TENM4: variants seen among roughly 807,000 people sequenced by gnomAD.
TENM4 encodes the protein teneurin transmembrane protein 4.
A neutral mutation model predicts 243.3 loss-of-function variants in TENM4; 82 were observed. The ratio of observed to expected loss-of-function variants is 0.34; its 90% CI spans 0.28 to 0.40. The LOEUF is 0.40. Ranked by LOEUF, TENM4 falls within the 10% of genes least tolerant of loss-of-function variation. The pLI, the probability that TENM4 is intolerant of heterozygous loss-of-function variation, is 1.00. For missense variants in TENM4, 3,138 were observed against 3,673.3 expected (o/e 0.85, Z 3.77); for synonymous variants, 1,412 against 1,456.3 (o/e 0.97, Z 0.69).
At chr11:79,428,868 T>C (rs1859109447) in intron 1 of TENM4, among the ~76,000 whole-genome samples, 3 of 152,176 alleles carry the variant, frequency 2.0e-5, no homozygotes, top group Admixed American at 6.5e-5. Flanking sequence ...GAGACTAACA[T>C]TCAGTAAGGC....
intron 1 of TENM4, among the ~76,000 whole-genome samples, chr11:79,364,303 C>T (rs1253199692): frequency 6.6e-6 from 1 of 152,154 alleles, no homozygotes. Context: ...ATCTCAGCAC[C>T]CCCCGGCCCA....
chr11:78,931,702 A>C (rs1206381134), intron 6 of TENM4, among the ~76,000 whole-genome samples: 1 of 152,204 alleles, frequency 6.6e-6, no homozygotes, highest in Non-Finnish European at 1.5e-5. Context: ...GAGTCACAGT[A>C]TGGAATGGTA....
chr11:78,840,022 T>A (rs1858217332), intron 12 of TENM4, among the ~76,000 whole-genome samples: 2 of 152,224 alleles, frequency 1.3e-5, no homozygotes. Flanking sequence ...AAGTTGGTTA[T>A]GAGAATTAAA....
At chr11:78,756,368 T>A (rs1856305876) in intron 19 of TENM4, 1 of 188,760 alleles carries the variant, frequency 5.3e-6, no homozygotes, top group Admixed American at 5.4e-5. Context: ...AACAGGGAGA[T>A]TGTATGGGTA....
At chr11:78,854,980 A>C (rs867182064) in intron 11 of TENM4, among the ~76,000 whole-genome samples, 1 of 152,214 alleles carries the variant, frequency 6.6e-6, no homozygotes, top group Non-Finnish European at 1.5e-5. Flanking sequence ...CAGAAAAGTC[A>C]GTTACACTGT....
rs372263805 is a variant in TENM4 at position 78,826,369 on chromosome 11, G to A, written c.1682-11974C>T. ...CCCAAAGTGTTGGGATTACAGGTGT[G>A]AGCCACCATGCTCGGCCGGTCTCCT... On this transcript the variant is annotated intron_variant, in intron 12 of 33. Transcript: ENST00000278550. 3.3e-5 allele frequency among the ~76,000 whole-genome samples: 5 copies of A among 152,232 alleles called. No individual in the cohort carries two copies. The East Asian group carries it at 7.8e-4, about 24-fold the overall frequency.
chr11:79,196,929 C>T (rs1484073283), intron 3 of TENM4, among the ~76,000 whole-genome samples: 1 of 152,198 alleles, frequency 6.6e-6, no homozygotes, highest in East Asian at 1.9e-4. Context: ...CAAGCTGCCT[C>T]CCTCAGCAAG....
chr11:79,296,548 G>T (rs1856457497), intron 2 of TENM4, among the ~76,000 whole-genome samples: 1 of 152,226 alleles, frequency 6.6e-6, no homozygotes, highest in South Asian at 2.1e-4. Flanking sequence ...CCCACCACCA[G>T]AGTGCTGCTA....
rs528515953 is a variant in TENM4 at position 78,889,402 on chromosome 11, C to T, written c.1084+383G>A. Among the ~76,000 whole-genome samples the T allele has an allele frequency of 7.2e-5, 11 of 152,328 alleles. No homozygotes were observed. The South Asian group carries it at 2.3e-3, about 32-fold the overall frequency. On this transcript the variant is annotated intron_variant, in intron 9 of 33. Transcript: ENST00000278550. ...AGCCACACAGTCCCAACAGGAGAGG[C>T]TACCTGCTGTTCAGCCTCTCCAACT...
At chr11:79,249,195 G>A (rs183595544) in intron 2 of TENM4, among the ~76,000 whole-genome samples, 1 of 152,264 alleles carries the variant, frequency 6.6e-6, no homozygotes, top group African/African-American at 2.4e-5. Context: ...TGCACTGTAT[G>A]TGTTAACTTA....
At chr11:79,005,891 G>A (rs1858468142) in intron 6 of TENM4, among the ~76,000 whole-genome samples, 1 of 152,158 alleles carries the variant, frequency 6.6e-6, no homozygotes, top group African/African-American at 2.4e-5. Context: ...AATAACTTCA[G>A]CCGAGTTTCA....
chr11:79,212,924 G>T (rs1200540376), intron 3 of TENM4, among the ~76,000 whole-genome samples: 1 of 152,194 alleles, frequency 6.6e-6, no homozygotes, highest in Non-Finnish European at 1.5e-5. Context: ...AGGGGCCTCT[G>T]GGCTGCAATG....
chr11:79,424,956 G>T (rs1017145287), intron 1 of TENM4, among the ~76,000 whole-genome samples: 1 of 152,048 alleles, frequency 6.6e-6, no homozygotes, highest in Non-Finnish European at 1.5e-5. Context: ...AAAAGTCAGG[G>T]GTGCCGAAGT....
At chr11:79,225,270 G>C (rs537426372) in intron 2 of TENM4, among the ~76,000 whole-genome samples, 1 of 152,170 alleles carries the variant, frequency 6.6e-6, no homozygotes, top group East Asian at 1.9e-4. Context: ...AAGCTTACAC[G>C]CCTAAGAAAA....
chr11:78,809,543 T>C (rs959220625), intron 14 of TENM4, among the ~76,000 whole-genome samples: 3 of 152,110 alleles, frequency 2.0e-5, no homozygotes, highest in Non-Finnish European at 4.4e-5. Context: ...GGGGTGGTGA[T>C]TAAAGTTGGC....
intron 9 of TENM4, among the ~76,000 whole-genome samples, chr11:78,880,873 T>G (rs572649015): frequency 2.3e-4 from 35 of 151,956 alleles, no homozygotes; most frequent in Admixed American, 7.9e-4. Context: ...AGACAGAGAA[T>G]AGATAGATGA....
chr11:78,966,416 C>T (rs920326449), intron 6 of TENM4, among the ~76,000 whole-genome samples: 4 of 152,008 alleles, frequency 2.6e-5, no homozygotes, highest in African/African-American at 7.2e-5. Context: ...TGTATGATCA[C>T]GAAAGTATGG....
intron 32 of TENM4, among the ~76,000 whole-genome samples, chr11:78,668,504 A>G (rs1426036954): frequency 3.3e-5 from 5 of 152,176 alleles, no homozygotes; most frequent in Admixed American, 3.3e-4. Flanking sequence ...CCTTAACCCA[A>G]TCAAGGACTC....
intron 6 of TENM4, among the ~76,000 whole-genome samples, chr11:78,920,744 A>T (rs1856430337): frequency 6.6e-6 from 1 of 152,374 alleles, no homozygotes; most frequent in South Asian, 2.1e-4. Flanking sequence ...TATATATAAA[A>T]GCCTTTTAAT....
Sources: gnomAD v4.1 joint callset for allele counts (sites outside exome capture counted in the v4.1 genomes callset) on GRCh38, gnomAD v4.1.1 for gene constraint, MANE v1.5 for transcripts, NCBI Gene and HGNC (gene_info 2026-07-23, HGNC 2026-07-21) for gene names.